DLD: variants seen among roughly 807,000 people sequenced by gnomAD.
DLD encodes the protein dihydrolipoamide dehydrogenase.
Under a neutral mutation model 62.2 loss-of-function variants are expected in DLD, and 36 were observed. The observed-to-expected ratio is 0.58, with a 90% CI of 0.44 to 0.76. The LOEUF (loss-of-function observed/expected upper bound fraction) is 0.76, where lower values mean the gene tolerates loss of function less well. Among genes scored for constraint, DLD ranks in the 30% least tolerant of loss-of-function variants. The pLI is 0.00. For missense variants in DLD, 541 were observed against 608.6 expected (o/e 0.89, Z 1.17); for synonymous variants, 204 against 199.6 (o/e 1.02, Z -0.19).
At chr7:107,912,209 C>A (rs962097900) in intron 8 of DLD, among the ~76,000 whole-genome samples, 2 of 151,874 alleles carry the variant, frequency 1.3e-5, no homozygotes, top group Non-Finnish European at 2.9e-5. Context: ...GTATATGTAC[C>A]ACATTTTCTT....
At chr7:107,903,331 T>C in intron 4 of DLD, 147 bp from the exon 5 acceptor site, 1 of 547,576 alleles carries the variant, frequency 1.8e-6, no homozygotes, top group Non-Finnish European at 3.4e-6. Context: ...TGAGCTGAGA[T>C]GGCGCCATTG....
At chr7:107,907,120 C>T (rs1233433204) in intron 8 of DLD, among the ~76,000 whole-genome samples, 1 of 152,122 alleles carries the variant, frequency 6.6e-6, no homozygotes, top group Non-Finnish European at 1.5e-5. Flanking sequence ...TGCCATAGTC[C>T]ATCACTTTAA....
chr7:107,901,588 A>G lies in DLD; in HGVS notation c.119-150A>G, dbSNP rs923745658. 23 of 661,398 alleles carry G rather than the reference A, an allele frequency of 3.5e-5. 1 individual carries two copies. Among genetic ancestry groups the G allele is most frequent in the South Asian group, 2.8e-4 (17 of 59,686 alleles). The allele number at this position is 661,398 out of a possible 1,614,324, so 41.0% of individuals were successfully genotyped here. ...GTAGCATCAAAGAGCATCAAGTAGT[A>G]GTAATAAAATAGTGCAGAAACTATG... On this transcript the variant is annotated intron_variant, in intron 2 of 13. Coordinates refer to ENST00000205402, the MANE Select transcript of DLD (RefSeq NM_000108.5).
At chr7:107,912,969 T>C (rs2032180325) in intron 8 of DLD, among the ~76,000 whole-genome samples, 1 of 152,186 alleles carries the variant, frequency 6.6e-6, no homozygotes, top group African/African-American at 2.4e-5. Flanking sequence ...TTGATTTGAC[T>C]TTTGTATATG....
At position 107,901,833 on chromosome 7, in the gene DLD, AAACT is replaced by A; in HGVS notation, c.198+19_198+22del. The A allele has an allele frequency of 6.2e-7, 1 of 1,600,860 alleles. No homozygotes were observed. Among genetic ancestry groups the A allele is most frequent in the Non-Finnish European group, 8.6e-7 (1 of 1,168,176 alleles). ...AGGCTTCAAGGTAAGGTTTGAACTC[AAACT>A]AAGTATTGATTTATTTTAATTTGGG... On this transcript the variant is annotated intron_variant, in intron 3 of 13. Transcript: ENST00000205402.
At chr7:107,901,121 A>G (rs889914993) in intron 2 of DLD, among the ~76,000 whole-genome samples, 4 of 152,208 alleles carry the variant, frequency 2.6e-5, no homozygotes, top group African/African-American at 9.6e-5. Flanking sequence ...TACAAAACAT[A>G]TTTGTTAAAT....
chr7:107,892,075 G>A (rs1174773439), intron 1 of DLD, among the ~76,000 whole-genome samples: 1 of 152,188 alleles, frequency 6.6e-6, no homozygotes, highest in Non-Finnish European at 1.5e-5. Flanking sequence ...GAGCGGCGGA[G>A]GTGGGACTGA....
chr7:107,891,222 A>T lies in DLD; in HGVS notation c.-29A>T. 1 of 1,613,946 alleles carries T rather than the reference A, an allele frequency of 6.2e-7. No individual in the cohort carries two copies. Among genetic ancestry groups the T allele is most frequent in the Non-Finnish European group, 8.5e-7 (1 of 1,179,838 alleles). On this transcript the variant is annotated 5_prime_UTR_variant, in exon 1 of 14. Transcript: ENST00000205402. ...GGAGGCGCCCAGCGGAGGTGAAAGT[A>T]TTGGCGGAAAGGAAAATACAGCGGA...
At chr7:107,901,946 G>C in intron 3 of DLD, 129 bp downstream of exon 3, 1 of 767,268 alleles carries the variant, frequency 1.3e-6, no homozygotes, top group East Asian at 2.6e-5. Flanking sequence ...TTGTAAGCCT[G>C]AGACTAATAA....
At chr7:107,891,461 C>T (rs2031571270) in intron 1 of DLD, 172 bp downstream of exon 1, 7 of 721,756 alleles carry the variant, frequency 9.7e-6, no homozygotes, top group Non-Finnish European at 1.7e-5. Flanking sequence ...CCGAGGTGGC[C>T]GCTCATCCTG....
In DLD at chr7:107,917,401, T is replaced by C. The variant is rs2032295454; in HGVS notation, c.1175T>C (p.Val392Ala). Residue 392 changes from valine (V) to alanine (A), a missense_variant, in exon 11 of 14, where the codon GTG becomes GCG. Val to Ala is a moderately conservative substitution (Grantham distance 64). Transcript: ENST00000205402. ...VHIDYNCVPS[V>A]IYTHPEVAWV... is the part of the protein sequence containing the mutation. The stretch of plus-strand genomic sequence containing the variant: ...ATTGACTACAATTGTGTGCCATCAG[T>C]GATTTACACACACCCTGAAGTTGCT... The C allele has an allele frequency of 6.2e-7, 1 of 1,614,080 alleles. No homozygotes were observed. Among genetic ancestry groups the C allele is most frequent in the African/African-American group, 1.3e-5 (1 of 74,942 alleles).
At chr7:107,902,441 C>A in intron 4 of DLD, 48 bp downstream of exon 4, 1 of 1,501,418 alleles carries the variant, frequency 6.7e-7, no homozygotes, top group Non-Finnish European at 9.3e-7. Context: ...GGCTAGCAAC[C>A]AACTAGAAGG....
intron 2 of DLD, among the ~76,000 whole-genome samples, chr7:107,895,564 A>C (rs181935839): frequency 7.2e-5 from 11 of 152,314 alleles, no homozygotes; most frequent in Admixed American, 7.2e-4. Flanking sequence ...AATATCTACT[A>C]TGTGTTAGTC....
intron 8 of DLD, 21 bp downstream of exon 8, chr7:107,906,389 T>C: frequency 1.4e-6 from 2 of 1,459,544 alleles, no homozygotes; most frequent in South Asian, 1.1e-5. Flanking sequence ...TCTTTCTGCC[T>C]CTTATTACCT....
chr7:107,917,022 T>G lies in DLD; in HGVS notation c.1046+58T>G, dbSNP rs568839647. 9.3e-5 allele frequency: 145 copies of G among 1,559,652 alleles called. 4 individuals carry two copies. In the South Asian group the frequency reaches 1.5e-3, roughly 16 times the overall value. Reference sequence around the variant, plus strand: ...TTTTAAAATTGATTTCAAACAGTATTTTGAAAAGTAAGATTTTTATGCTTA... The same window carrying G: ...TTTTAAAATTGATTTCAAACAGTATGTTGAAAAGTAAGATTTTTATGCTTA... On this transcript the variant is annotated intron_variant, in intron 10 of 13. Transcript: ENST00000205402.
chr7:107,913,164 T>C lies in DLD; in HGVS notation c.685-2342T>C, dbSNP rs1342955774. Among the ~76,000 whole-genome samples the C allele has an allele frequency of 2.0e-5, 3 of 152,206 alleles. No homozygotes were observed. In the East Asian group the frequency reaches 5.8e-4, roughly 29 times the overall value. ...TTGTTCCATTGGTCTGTGTGTCTTT[T>C]TATGCCAGTACTATGCTATTTTGGT... On this transcript the variant is annotated intron_variant, in intron 8 of 13. Transcript: ENST00000205402.
At chr7:107,910,778 G>A (rs1269844496) in intron 8 of DLD, among the ~76,000 whole-genome samples, 1 of 152,136 alleles carries the variant, frequency 6.6e-6, no homozygotes. Context: ...CTAAGTAAGT[G>A]GTAGATGCTA....
intron 2 of DLD, among the ~76,000 whole-genome samples, chr7:107,894,496 T>TA (rs34056790): frequency 2.0e-5 from 3 of 152,202 alleles, no homozygotes; most frequent in Admixed American, 1.3e-4. Flanking sequence ...GAAATCCTTT[T>TA]AAAAAAATGC....
chr7:107,905,063 G>C lies in DLD; in HGVS notation c.438+5G>C. Reference sequence around the variant, plus strand: ...CACTTATTCAAACAGAATAAGGTCAGTGTTTAATATTCAGATTTCTGCTTT... The same window carrying C: ...CACTTATTCAAACAGAATAAGGTCACTGTTTAATATTCAGATTTCTGCTTT... On this transcript the variant is annotated splice_donor_5th_base_variant and intron_variant, in intron 6 of 13. Transcript: ENST00000205402. 6.3e-7 allele frequency: 1 copy of C among 1,584,726 alleles called. No homozygotes were observed.
Sources: gnomAD v4.1 joint callset for allele counts (sites outside exome capture counted in the v4.1 genomes callset) on GRCh38, gnomAD v4.1.1 for gene constraint, MANE v1.5 for transcripts, NCBI Gene and HGNC (gene_info 2026-07-23, HGNC 2026-07-21) for gene names.